PCDH9: variants seen among roughly 807,000 people sequenced by gnomAD.
PCDH9 encodes protocadherin-9.
PCDH9 carries 24 observed loss-of-function variants against 70.6 expected under a neutral mutation model. The ratio of observed to expected loss-of-function variants is 0.34; its 90% CI spans 0.25 to 0.48. PCDH9 has a LOEUF of 0.48. PCDH9 is among the 20% of genes least tolerant of loss of function. The pLI, the probability that PCDH9 is intolerant of heterozygous loss-of-function variation, is 0.99. For synonymous variants in PCDH9, 562 were observed against 558.5 expected (o/e 1.01, Z -0.09); for missense variants, 1,281 against 1,503.6 (o/e 0.85, Z 2.45).
At chr13:66,944,497 CTG>C in intron 2 of PCDH9, among the ~76,000 whole-genome samples, 1 of 152,258 alleles carries the variant, frequency 6.6e-6, no homozygotes, top group East Asian at 1.9e-4. Context: ...TAACTGGAAA[CTG>C]TGGCCCAGAG....
At chr13:66,853,481 G>C (rs1354707113) in intron 3 of PCDH9, among the ~76,000 whole-genome samples, 1 of 152,060 alleles carries the variant, frequency 6.6e-6, no homozygotes, top group Non-Finnish European at 1.5e-5. Context: ...TTCATCAAAT[G>C]AATGTGAGTT....
At chr13:67,187,403 C>T (rs1338677411) in intron 2 of PCDH9, among the ~76,000 whole-genome samples, 1 of 152,138 alleles carries the variant, frequency 6.6e-6, no homozygotes, top group Non-Finnish European at 1.5e-5. Flanking sequence ...TATAGTATGG[C>T]TTGCTATAAC....
At chr13:66,454,894 G>A (rs1282351109) in intron 4 of PCDH9, among the ~76,000 whole-genome samples, 2 of 151,978 alleles carry the variant, frequency 1.3e-5, no homozygotes, top group African/African-American at 2.4e-5. Flanking sequence ...CGTGAGCCAC[G>A]CCACCACACC....
At chr13:66,525,509 G>C (rs1960174662) in intron 4 of PCDH9, among the ~76,000 whole-genome samples, 2 of 151,950 alleles carry the variant, frequency 1.3e-5, no homozygotes, top group African/African-American at 2.4e-5. Context: ...ACTTACACTT[G>C]TCTAAATCTT....
intron 3 of PCDH9, among the ~76,000 whole-genome samples, chr13:66,670,781 G>T (rs1429226970): frequency 6.6e-6 from 1 of 152,094 alleles, no homozygotes; most frequent in Non-Finnish European, 1.5e-5. Flanking sequence ...GGATTGAAAT[G>T]TGTTCCCCCA....
At chr13:66,534,983 C>A (rs1475447600) in intron 4 of PCDH9, among the ~76,000 whole-genome samples, 1 of 151,960 alleles carries the variant, frequency 6.6e-6, no homozygotes, top group Non-Finnish European at 1.5e-5. Context: ...TAAAAATACA[C>A]CTGGCTCCCA....
At chr13:66,936,528 A>T (rs766289449) in intron 2 of PCDH9, among the ~76,000 whole-genome samples, 20 of 152,324 alleles carry the variant, frequency 1.3e-4, no homozygotes, top group Middle Eastern at 6.8e-3. Context: ...TTCAAAAGAA[A>T]TACAGACAAC....
chr13:66,822,404 A>G (rs749982903), intron 3 of PCDH9, among the ~76,000 whole-genome samples: 4 of 152,000 alleles, frequency 2.6e-5, no homozygotes, highest in South Asian at 4.1e-4. Flanking sequence ...AGTTTGTGAC[A>G]TGTTCAAAGT....
At chr13:66,322,055 G>C (rs1027830584) in intron 4 of PCDH9, among the ~76,000 whole-genome samples, 1 of 142,410 alleles carries the variant, frequency 7.0e-6, no homozygotes, top group Non-Finnish European at 1.5e-5. Context: ...TGGATGCATG[G>C]GGGGGGTGTG....
At chr13:66,426,779 T>A (rs1435815696) in intron 4 of PCDH9, among the ~76,000 whole-genome samples, 1 of 151,606 alleles carries the variant, frequency 6.6e-6, no homozygotes, top group African/African-American at 2.4e-5. Context: ...TATTAATAAC[T>A]CCTTTAATAT....
intron 4 of PCDH9, among the ~76,000 whole-genome samples, chr13:66,343,419 G>T (rs868609477): frequency 1.5e-4 from 23 of 152,118 alleles, no homozygotes; most frequent in African/African-American, 5.1e-4. Context: ...ACTGTCGTCC[G>T]ACTTTAGTGT....
chr13:66,909,081 T>G (rs942904370), intron 2 of PCDH9, among the ~76,000 whole-genome samples: 1 of 151,930 alleles, frequency 6.6e-6, no homozygotes, highest in African/African-American at 2.4e-5. Flanking sequence ...CTTTTTTGAG[T>G]CTCTTCTTTA....
At chr13:66,636,252 T>C (rs1026333429) in intron 3 of PCDH9, among the ~76,000 whole-genome samples, 5 of 152,172 alleles carry the variant, frequency 3.3e-5, no homozygotes, top group African/African-American at 9.6e-5. Flanking sequence ...TTTAATTGTT[T>C]ATCTTCATCA....
At chr13:67,110,221 C>T (rs2086629901) in intron 2 of PCDH9, among the ~76,000 whole-genome samples, 1 of 150,592 alleles carries the variant, frequency 6.6e-6, no homozygotes, top group African/African-American at 2.4e-5. Flanking sequence ...AAACAAAAAA[C>T]AAAAAAAGAG....
intron 4 of PCDH9, among the ~76,000 whole-genome samples, chr13:66,496,897 T>G (rs763626237): frequency 3.5e-4 from 53 of 152,210 alleles, no homozygotes; most frequent in Non-Finnish European, 6.5e-4. Context: ...TCTTTGAAGT[T>G]TGAAGGCTCT....
At chr13:66,779,155 A>G (rs1211903228) in intron 3 of PCDH9, among the ~76,000 whole-genome samples, 1 of 149,654 alleles carries the variant, frequency 6.7e-6, no homozygotes, top group Non-Finnish European at 1.5e-5. Flanking sequence ...TCTCAGTGAG[A>G]TTGTTCATAA....
intron 3 of PCDH9, among the ~76,000 whole-genome samples, chr13:66,717,290 A>G (rs1398053120): frequency 1.3e-5 from 2 of 150,862 alleles, no homozygotes; most frequent in Non-Finnish European, 3.0e-5. Context: ...ACTCTGTACT[A>G]AAAATACAAA....
intron 4 of PCDH9, among the ~76,000 whole-genome samples, chr13:66,381,684 C>T (rs1272174840): frequency 6.6e-6 from 1 of 152,088 alleles, no homozygotes; most frequent in African/African-American, 2.4e-5. Context: ...GAAAAGCAGT[C>T]AAAATTTTAA....
intron 3 of PCDH9, among the ~76,000 whole-genome samples, chr13:66,867,956 A>G (rs2081605685): frequency 6.6e-6 from 1 of 152,056 alleles, no homozygotes; most frequent in Non-Finnish European, 1.5e-5. Flanking sequence ...ATTAAGTAAA[A>G]GCATACTTTA....
Sources: allele counts gnomAD v4.1 joint callset (sites outside exome capture counted in the v4.1 genomes callset), GRCh38; gene constraint gnomAD v4.1.1; transcripts MANE v1.5; gene names NCBI Gene and HGNC (gene_info 2026-07-23, HGNC 2026-07-21).